Variants in KDM2B observed in about 807,000 individuals in gnomAD.
KDM2B encodes the protein lysine demethylase 2B.
In KDM2B, 26 loss-of-function variants were observed where a neutral mutation model predicts 150.0. The ratio of observed to expected loss-of-function variants is 0.17; its 90% CI spans 0.13 to 0.24. The LOEUF (loss-of-function observed/expected upper bound fraction) is 0.24. Ranked by LOEUF, KDM2B falls within the 10% of genes least tolerant of loss-of-function variation. The pLI, the probability that KDM2B is intolerant of heterozygous loss-of-function variation, is 1.00. For missense variants in KDM2B, 1,265 were observed against 1,816.9 expected (o/e 0.70, Z 5.52); for synonymous variants, 734 against 729.5 (o/e 1.01, Z -0.10).
At chr12:121,479,388 A>G (rs1555297442) in intron 12 of KDM2B, among the ~76,000 whole-genome samples, 1 of 149,078 alleles carries the variant, frequency 6.7e-6, no homozygotes, top group Non-Finnish European at 1.5e-5. Flanking sequence ...AATGGCGTGA[A>G]CCCGGGAGGC....
At chr12:121,502,390 G>A (rs950631065) in intron 11 of KDM2B, among the ~76,000 whole-genome samples, 1 of 152,198 alleles carries the variant, frequency 6.6e-6, no homozygotes, top group African/African-American at 2.4e-5. Context: ...GGGAGGCCGA[G>A]ATAGGCAGAT....
intron 12 of KDM2B, chr12:121,469,533 A>G (rs7962128): frequency 0.66 from 99,263 of 150,588 alleles, 34,856 homozygotes; most frequent in African/African-American, 0.91. Context: ...CAGGAGAATC[A>G]CTTAAACCTG....
the KDM2B span, chr12:121,420,548 C>G: frequency 6.2e-7 from 1 of 1,609,504 alleles, no homozygotes; most frequent in Non-Finnish European, 8.5e-7. Flanking sequence ...CTTATGGGAC[C>G]AGGGCTAATG....
Position 121,548,737 on chromosome 12 carries a change from C to A in KDM2B, c.683+140G>T, listed in dbSNP as rs111356669. 1.3e-3 allele frequency: 884 copies of A among 662,592 alleles called. 5 individuals are homozygous for A. In the African/African-American group the frequency reaches 0.014, roughly 11 times the overall value. 41.0% of individuals were successfully genotyped at this position (662,592 alleles called of 1,614,324 possible). ...CCTGTCCCAGCTGTGCCCCCACAGG[C>A]ACAGTCCTTCAGTTCTGAACGGGAG... On this transcript the variant is annotated intron_variant, in intron 6 of 22. Coordinates refer to ENST00000377071, the MANE Select transcript of KDM2B (RefSeq NM_032590.5).
intron 11 of KDM2B, among the ~76,000 whole-genome samples, chr12:121,501,981 T>TAGACTACATGTAGACTACATG (rs1555302057): frequency 2.6e-5 from 4 of 152,130 alleles, no homozygotes; most frequent in Non-Finnish European, 4.4e-5. Context: ...CACCTCACTG[T>TAGACTACATGTAGACTACATG]TCTACATGTC....
intron 9 of KDM2B, chr12:121,516,421 T>C (rs1594022615): frequency 4.5e-6 from 5 of 1,104,654 alleles, no homozygotes; most frequent in South Asian, 1.4e-5. Flanking sequence ...TATTTTTTTT[T>C]CCAAGAGAGG....
At chr12:121,414,536 A>G in the KDM2B span, among the ~76,000 whole-genome samples, 1 of 152,354 alleles carries the variant, frequency 6.6e-6, no homozygotes, top group Middle Eastern at 3.4e-3. Flanking sequence ...ATAGAAAGCA[A>G]TACATTAGTT....
At chr12:121,417,812 G>GT in the KDM2B span, 6 of 1,614,066 alleles carry the variant, frequency 3.7e-6, no homozygotes, top group Admixed American at 3.3e-5. The surrounding 1 kb of genome is among the most constrained non-coding windows in gnomAD (Gnocchi z 5.0). Flanking sequence ...TTACACGTTC[G>GT]TTTTTTTCAA....
At chr12:121,417,926 C>G in the KDM2B span, 1 of 1,608,550 alleles carries the variant, frequency 6.2e-7, no homozygotes, top group African/African-American at 1.3e-5. This position sits in a 1 kb window ranked among gnomAD's most constrained non-coding sequence, Gnocchi z 5.0. Context: ...GAGGGGGTAA[C>G]TAATTACACC....
intron 4 of KDM2B, among the ~76,000 whole-genome samples, chr12:121,572,982 C>T (rs1198215447): frequency 2.6e-5 from 4 of 151,708 alleles, no homozygotes; most frequent in Non-Finnish European, 4.4e-5. Flanking sequence ...CCTGCCACTA[C>T]GCCCGGCTAA....
chr12:121,579,081 G>A (rs1891733785), intron 1 of KDM2B, 135 bp from the exon 2 acceptor site: 1 of 962,852 alleles, frequency 1.0e-6, no homozygotes, highest in South Asian at 1.6e-5. Context: ...AAGCAACTTT[G>A]CGCAATTGCC....
intron 12 of KDM2B, among the ~76,000 whole-genome samples, chr12:121,476,476 T>A (rs978155148): frequency 6.6e-6 from 1 of 151,906 alleles, no homozygotes; most frequent in African/African-American, 2.4e-5. Context: ...AGTTTTTTGT[T>A]TTTTGTTTTT....
At position 121,443,021 on chromosome 12, in the gene KDM2B, C is replaced by T. The variant is rs781896992; in HGVS notation, c.2575G>A (p.Gly859Ser). 3 of 1,612,764 alleles carry T rather than the reference C, an allele frequency of 1.9e-6. No individual in the cohort carries two copies. The highest frequency in any genetic ancestry group is 8.5e-7 in the Non-Finnish European group (1 of 1,179,476). Residue 859 changes from glycine (G) to serine (S), a missense_variant, in exon 18 of 23, where the codon GGC becomes AGC. Around this residue, in one of 11 missense-constraint regions of KDM2B, gnomAD observed 418 missense variants for 402.4 expected, o/e 1.04. Coordinates refer to ENST00000377071, the MANE Select transcript of KDM2B (RefSeq NM_032590.5). ...TTCCTGAAAAGCTTATCTTCTTTGC[C>T]AGGTTTGAGCTGTCACGAAAAAGAA... ...LTYFQQQLKP[G>S]KEDKLFRKKR...
intron 11 of KDM2B, among the ~76,000 whole-genome samples, chr12:121,500,139 A>G (rs1884394261): frequency 1.3e-5 from 2 of 151,910 alleles, no homozygotes; most frequent in Admixed American, 6.6e-5. Flanking sequence ...CCGGGAAAAG[A>G]AGATTATTCT....
intron 1 of KDM2B, 133 bp from the exon 2 acceptor site, chr12:121,579,079 T>G (rs1281878938): frequency 3.4e-5 from 33 of 961,036 alleles, no homozygotes; most frequent in Non-Finnish European, 4.4e-5. Context: ...CCAAGCAACT[T>G]TGCGCAATTG....
At position 121,453,058 on chromosome 12, in the gene KDM2B, ACACGCGGGCCGG is replaced by A; in HGVS notation, c.1959+50_1959+61del. On this transcript the variant is annotated intron_variant, in intron 13 of 22. Transcript: ENST00000377071. This position sits in a 1 kb window ranked among gnomAD's most constrained non-coding sequence, Gnocchi z 6.4. ...GGCGGCCAGAGCGAGCAGCGGTCAGACACGCGGGCCGGCACGCAGGGGCCTGAATCGAGCGCA... is the reference window on the plus strand; with the variant it reads ...GGCGGCCAGAGCGAGCAGCGGTCAGACACGCAGGGGCCTGAATCGAGCGCA... The A allele has an allele frequency of 7.2e-7, 1 of 1,388,386 alleles. No individual in the cohort carries two copies. The highest frequency in any genetic ancestry group is 9.7e-7 in the Non-Finnish European group (1 of 1,029,756). 86.0% of individuals were successfully genotyped at this position (1,388,386 alleles called of 1,614,324 possible).
intron 1 of KDM2B, chr12:121,579,689 C>T (rs1891797291): frequency 3.5e-6 from 5 of 1,409,106 alleles, no homozygotes; most frequent in South Asian, 1.2e-5. Context: ...TCCCCGCATC[C>T]CCCTGCCTCC....
intron 22 of KDM2B, among the ~76,000 whole-genome samples, chr12:121,434,119 G>A (rs782526608): frequency 4.6e-5 from 7 of 152,148 alleles, no homozygotes; most frequent in Admixed American, 6.5e-5. Flanking sequence ...GGTGGAGCCT[G>A]CAGTGAGCCA....
At chr12:121,489,894 C>T (rs1175601791) in intron 12 of KDM2B, among the ~76,000 whole-genome samples, 4 of 152,206 alleles carry the variant, frequency 2.6e-5, no homozygotes, top group African/African-American at 4.8e-5. Context: ...TTACAGCACA[C>T]GGCCTTCCTG....
Sources: gnomAD v4.1 joint callset for allele counts (sites outside exome capture counted in the v4.1 genomes callset) on GRCh38, gnomAD v4.1.1 for gene constraint, gnomAD v4.1.1 regional missense constraint, Gnocchi (gnomAD v3.1) non-coding constraint, MANE v1.5 for transcripts, NCBI Gene and HGNC (gene_info 2026-07-23, HGNC 2026-07-21) for gene names.